The following GALNT10 variants were observed in gnomAD, a reference collection of about 807,000 sequenced individuals.
The protein encoded by GALNT10 is polypeptide N-acetylgalactosaminyltransferase 10, also known as GalNAc transferase 10.
In GALNT10, 41 loss-of-function variants were observed where a neutral mutation model predicts 75.0. The observed-to-expected ratio is 0.55, with a 90% CI of 0.43 to 0.71. The LOEUF (loss-of-function observed/expected upper bound fraction) is 0.71, where lower values mean the gene tolerates loss of function less well. GALNT10 is among the 30% of genes least tolerant of loss of function. The probability of loss-of-function intolerance (pLI) is 0.00; values close to 1 mark genes in which losing one functional copy is unlikely to be tolerated. For missense variants in GALNT10, 727 were observed against 818.5 expected, an observed-to-expected ratio of 0.89 and a Z score of 1.36; for synonymous variants, 302 against 313.0, an observed-to-expected ratio of 0.96 and a Z score of 0.37.
At chr5:154,322,561 G>A (rs1754691618) in intron 3 of GALNT10, among the ~76,000 whole-genome samples, 2 of 152,106 alleles carry the variant, frequency 1.3e-5, no homozygotes, top group South Asian at 4.1e-4. Context: ...AGGTTCCGGG[G>A]ATTAGGGCAT....
At chr5:154,314,626 C>A (rs1349456778) in intron 3 of GALNT10, among the ~76,000 whole-genome samples, 2 of 151,886 alleles carry the variant, frequency 1.3e-5, no homozygotes, top group African/African-American at 2.4e-5. Context: ...GCCTATCTGC[C>A]TCCCCGCCTC....
At chr5:154,364,621 CT>C in intron 4 of GALNT10, among the ~76,000 whole-genome samples, 1 of 152,300 alleles carries the variant, frequency 6.6e-6, no homozygotes, top group South Asian at 2.1e-4. Context: ...CAGGAGAATA[CT>C]TTTGCCCTTT....
chr5:154,245,778 G>A (rs1753411825), intron 1 of GALNT10, among the ~76,000 whole-genome samples: 1 of 150,300 alleles, frequency 6.7e-6, no homozygotes, highest in Admixed American at 6.7e-5. Flanking sequence ...AAGTGGGCCT[G>A]GCCAGGGATG....
chr5:154,219,865 CA>C (rs1561632527), intron 1 of GALNT10, among the ~76,000 whole-genome samples: 1 of 151,606 alleles, frequency 6.6e-6, no homozygotes, highest in African/African-American at 2.4e-5. Flanking sequence ...CACACACACA[CA>C]CCACAGAGAG....
chr5:154,328,234 T>A (rs1229014542), intron 3 of GALNT10, among the ~76,000 whole-genome samples: 4 of 152,140 alleles, frequency 2.6e-5, no homozygotes, highest in African/African-American at 9.7e-5. Flanking sequence ...ACCAACTAGA[T>A]GTTTGATGAT....
At chr5:154,406,992 G>A (rs916644206) in intron 8 of GALNT10, among the ~76,000 whole-genome samples, 2 of 152,178 alleles carry the variant, frequency 1.3e-5, no homozygotes, top group African/African-American at 4.8e-5. Flanking sequence ...AGCAGTTCAG[G>A]AAGGATGAGC....
At chr5:154,229,824 G>A (rs902200096) in intron 1 of GALNT10, among the ~76,000 whole-genome samples, 1 of 152,216 alleles carries the variant, frequency 6.6e-6, no homozygotes, top group African/African-American at 2.4e-5. Context: ...ACAGTCCCTG[G>A]CATATAAAGA....
At chr5:154,204,778 C>T (rs1362389365) in intron 1 of GALNT10, among the ~76,000 whole-genome samples, 4 of 152,216 alleles carry the variant, frequency 2.6e-5, no homozygotes, top group Admixed American at 6.5e-5. Context: ...ACCCACTCTG[C>T]GACTTGATCA....
At chr5:154,232,218 C>A (rs1399027003) in intron 1 of GALNT10, among the ~76,000 whole-genome samples, 2 of 152,176 alleles carry the variant, frequency 1.3e-5, no homozygotes, top group African/African-American at 4.8e-5. Context: ...CTCTCTAGGT[C>A]TTTTCTTTTA....
At chr5:154,256,336 C>A (rs1753609053) in intron 1 of GALNT10, among the ~76,000 whole-genome samples, 1 of 126,610 alleles carries the variant, frequency 7.9e-6, no homozygotes. Context: ...GATTTTTAAA[C>A]AGAGGCTGTT....
chr5:154,333,805 G>A (rs1321104151), intron 4 of GALNT10, among the ~76,000 whole-genome samples: 1 of 152,158 alleles, frequency 6.6e-6, no homozygotes, highest in African/African-American at 2.4e-5. Context: ...CCCAGAGGAG[G>A]ACTCCCACCT....
At chr5:154,373,478 A>G (rs976149352) in intron 4 of GALNT10, among the ~76,000 whole-genome samples, 1 of 152,152 alleles carries the variant, frequency 6.6e-6, no homozygotes, top group Non-Finnish European at 1.5e-5. Flanking sequence ...ATGTTCCTTG[A>G]GCAGCTCGTA....
At chr5:154,198,333 A>G (rs2113640223) in intron 1 of GALNT10, among the ~76,000 whole-genome samples, 1 of 152,304 alleles carries the variant, frequency 6.6e-6, no homozygotes, top group East Asian at 1.9e-4. Flanking sequence ...AACCCCAAAC[A>G]CAATGCTTGG....
At chr5:154,374,597 AC>A (rs1319915985) in intron 4 of GALNT10, among the ~76,000 whole-genome samples, 2 of 152,064 alleles carry the variant, frequency 1.3e-5, no homozygotes, top group Non-Finnish European at 2.9e-5. Context: ...CGATCCCCCC[AC>A]CTCAGCCTCC....
At chr5:154,397,054 G>T (rs1255277385) in intron 7 of GALNT10, among the ~76,000 whole-genome samples, 3 of 151,584 alleles carry the variant, frequency 2.0e-5, no homozygotes, top group Non-Finnish European at 4.4e-5. Context: ...TTGAACCTGG[G>T]AGCCGGAGGT....
At chr5:154,337,929 T>A in intron 4 of GALNT10, 1 of 1,515,802 alleles carries the variant, frequency 6.6e-7, no homozygotes, top group Non-Finnish European at 9.0e-7. Context: ...CACAGGATGG[T>A]ATTTCTGAAT....
chr5:154,318,460 T>A (rs201333230), intron 3 of GALNT10, among the ~76,000 whole-genome samples: 3 of 139,814 alleles, frequency 2.1e-5, no homozygotes, highest in African/African-American at 7.8e-5. Context: ...TATATATATA[T>A]AAAAGACAGA....
chr5:154,255,025 T>C (rs1753585332), intron 1 of GALNT10, among the ~76,000 whole-genome samples: 1 of 152,132 alleles, frequency 6.6e-6, no homozygotes, highest in Non-Finnish European at 1.5e-5. Flanking sequence ...TCTCACTATG[T>C]AGCCCAGGTT....
intron 4 of GALNT10, among the ~76,000 whole-genome samples, chr5:154,363,672 C>T (rs1011642306): frequency 7.2e-5 from 11 of 152,058 alleles, no homozygotes; most frequent in East Asian, 1.9e-4. Flanking sequence ...TTGCATGTGA[C>T]GGGCAGAGAT....
Sources: gnomAD v4.1 joint callset for allele counts (sites outside exome capture counted in the v4.1 genomes callset) on GRCh38, gnomAD v4.1.1 for gene constraint, MANE v1.5 for transcripts, NCBI Gene and HGNC (gene_info 2026-07-23, HGNC 2026-07-21) for gene names.